Variants in RBFOX1 observed in about 807,000 individuals in gnomAD.
RBFOX1 encodes the protein RNA binding protein fox-1 homolog 1.
Under a neutral mutation model 57.7 loss-of-function variants are expected in RBFOX1, and 8 were observed. That is an observed-to-expected ratio of 0.14 (90% CI 0.08 to 0.25). The LOEUF is 0.25. Ranked by LOEUF, RBFOX1 falls within the 10% of genes least tolerant of loss-of-function variation. The pLI is 1.00. For synonymous variants in RBFOX1, 326 were observed against 222.4 expected (o/e 1.47, Z -4.15); for missense variants, 611 against 548.5 (o/e 1.11, Z -1.14).
At chr16:5,385,879 G>C (rs1018550962) in intron 1 of RBFOX1, among the ~76,000 whole-genome samples, 1 of 152,122 alleles carries the variant, frequency 6.6e-6, no homozygotes, top group South Asian at 2.1e-4. Context: ...GATTGACCTC[G>C]TCTTTTGCTG....
intron 5 of RBFOX1, among the ~76,000 whole-genome samples, chr16:7,577,265 T>A (rs533340501): frequency 6.6e-6 from 1 of 152,318 alleles, no homozygotes; most frequent in African/African-American, 2.4e-5. Flanking sequence ...GCTCTTAGGA[T>A]GAAGCTCAGA....
chr16:7,009,784 C>G (rs1389829314), intron 3 of RBFOX1, among the ~76,000 whole-genome samples: 1 of 152,180 alleles, frequency 6.6e-6, no homozygotes, highest in African/African-American at 2.4e-5. Flanking sequence ...AGCTCTGTAA[C>G]CTGCTTGCCT....
intron 1 of RBFOX1, among the ~76,000 whole-genome samples, chr16:6,203,329 T>A (rs2097228959): frequency 6.6e-6 from 1 of 152,160 alleles, no homozygotes. Flanking sequence ...TTCCTCCTAA[T>A]AATGGGATCA....
chr16:6,291,802 C>T (rs954794394), intron 1 of RBFOX1, among the ~76,000 whole-genome samples: 22 of 152,182 alleles, frequency 1.4e-4, no homozygotes, highest in African/African-American at 4.1e-4. Flanking sequence ...AAATCATCTT[C>T]TTAGAAAGGT....
At chr16:5,885,604 C>G (rs1054971582) in intron 4 of RBFOX1, among the ~76,000 whole-genome samples, 1 of 152,110 alleles carries the variant, frequency 6.6e-6, no homozygotes, top group African/African-American at 2.4e-5. Context: ...TCTGAAGACC[C>G]CTGGCTTGAT....
chr16:6,004,370 A>G (rs1227507529), intron 4 of RBFOX1, among the ~76,000 whole-genome samples: 1 of 152,190 alleles, frequency 6.6e-6, no homozygotes, highest in African/African-American at 2.4e-5. Context: ...TCCATTGCAT[A>G]GAGTCATAAT....
intron 1 of RBFOX1, among the ~76,000 whole-genome samples, chr16:6,025,113 A>T (rs567367303): frequency 6.6e-6 from 1 of 152,302 alleles, no homozygotes; most frequent in South Asian, 2.1e-4. Flanking sequence ...GGATATATTT[A>T]TGTCTTAAAC....
chr16:6,965,028 A>C (rs78224135), intron 3 of RBFOX1, among the ~76,000 whole-genome samples: 1 of 151,936 alleles, frequency 6.6e-6, no homozygotes, highest in African/African-American at 2.4e-5. Context: ...TTGTTGCTTT[A>C]TTATCTCTAG....
chr16:6,739,845 C>G (rs771117067), intron 3 of RBFOX1, among the ~76,000 whole-genome samples: 13 of 152,190 alleles, frequency 8.5e-5, no homozygotes, highest in Non-Finnish European at 1.5e-4. Flanking sequence ...CCACTTCACT[C>G]CAGCCTGGGT....
chr16:7,404,711 A>T (rs895480201), intron 4 of RBFOX1, among the ~76,000 whole-genome samples: 16 of 152,208 alleles, frequency 1.1e-4, no homozygotes, highest in African/African-American at 3.9e-4. Context: ...AGAAAAAACA[A>T]ACAAACAAAC....
intron 3 of RBFOX1, among the ~76,000 whole-genome samples, chr16:7,007,729 C>A (rs543540220): frequency 6.6e-6 from 1 of 152,256 alleles, no homozygotes; most frequent in African/African-American, 2.4e-5. Context: ...AGGGTAAACT[C>A]CCATGAAAAT....
chr16:5,468,116 C>G (rs1483027522), intron 2 of RBFOX1, among the ~76,000 whole-genome samples: 2 of 152,182 alleles, frequency 1.3e-5, no homozygotes, highest in African/African-American at 4.8e-5. Context: ...CACCCTTCCC[C>G]AGGTTCCTAC....
rs143114028 is a variant in RBFOX1 at position 7,626,679 on chromosome 16, A to G, written c.677-3924A>G. On this transcript the variant is annotated intron_variant, in intron 10 of 15. Transcript: ENST00000550418. ...CGTGAAGTAGATTGAAGCTATTTCA[A>G]TCTGTAAAAGTTATTTACATGTAGT... Among the ~76,000 whole-genome samples, 791 of 152,012 alleles carry G rather than the reference A, an allele frequency of 5.2e-3. 5 individuals are homozygous for G. Among genetic ancestry groups the G allele is most frequent in the African/African-American group, 0.018 (747 of 41,282 alleles).
chr16:7,188,454 A>G (rs576062671), intron 4 of RBFOX1, among the ~76,000 whole-genome samples: 1 of 152,314 alleles, frequency 6.6e-6, no homozygotes, highest in Non-Finnish European at 1.5e-5. Flanking sequence ...TTTTAGCTGC[A>G]TGTTACAGAG....
chr16:6,640,306 T>C (rs2098476575), intron 2 of RBFOX1, among the ~76,000 whole-genome samples: 1 of 152,096 alleles, frequency 6.6e-6, no homozygotes, highest in South Asian at 2.1e-4. Context: ...TAATTTTTTG[T>C]TAATTTAAAT....
At chr16:5,759,986 C>T (rs1037443791) in intron 3 of RBFOX1, among the ~76,000 whole-genome samples, 1 of 148,580 alleles carries the variant, frequency 6.7e-6, no homozygotes, top group Non-Finnish European at 1.5e-5. Context: ...TTGTAGATGG[C>T]TATAAATATC....
intron 5 of RBFOX1, among the ~76,000 whole-genome samples, chr16:7,529,348 G>A (rs565818790): frequency 6.6e-6 from 1 of 152,360 alleles, no homozygotes; most frequent in South Asian, 2.1e-4. Context: ...ATTAACTTAT[G>A]TTGGAGACAT....
At chr16:7,053,183 G>C (rs2050698032) in intron 4 of RBFOX1, among the ~76,000 whole-genome samples, 1 of 152,156 alleles carries the variant, frequency 6.6e-6, no homozygotes, top group Non-Finnish European at 1.5e-5. Flanking sequence ...TGAAGTACTT[G>C]GGTAAAATAA....
At chr16:6,100,011 G>A (rs973518273) in intron 1 of RBFOX1, among the ~76,000 whole-genome samples, 1 of 152,202 alleles carries the variant, frequency 6.6e-6, no homozygotes, top group Non-Finnish European at 1.5e-5. Flanking sequence ...AAGATGCATG[G>A]AAGATGTGAC....
Sources: gnomAD v4.1 joint callset for allele counts (sites outside exome capture counted in the v4.1 genomes callset) on GRCh38, gnomAD v4.1.1 for gene constraint, MANE v1.5 for transcripts, NCBI Gene and HGNC (gene_info 2026-07-23, HGNC 2026-07-21) for gene names.